VLDLR: variants seen among roughly 807,000 people sequenced by gnomAD.
The protein encoded by VLDLR is very low-density lipoprotein receptor.
In VLDLR, 81 loss-of-function variants were observed where a neutral mutation model predicts 112.7. That is an observed-to-expected ratio of 0.72 (90% CI 0.60 to 0.86). The LOEUF (loss-of-function observed/expected upper bound fraction) is 0.86, where lower values mean the gene tolerates loss of function less well. VLDLR is among the 40% of genes least tolerant of loss of function. The pLI, the probability that VLDLR is intolerant of heterozygous loss-of-function variation, is 0.00. For synonymous variants in VLDLR, 436 were observed against 384.8 expected (o/e 1.13, Z -1.56); for missense variants, 1,237 against 1,099.4 (o/e 1.13, Z -1.77).
intron 18 of VLDLR, among the ~76,000 whole-genome samples, chr9:2,653,245 TA>T (rs1212907184): frequency 6.6e-6 from 1 of 152,216 alleles, no homozygotes; most frequent in Non-Finnish European, 1.5e-5. Context: ...ATTACTGAAC[TA>T]TTAAATCCAT....
In VLDLR at chr9:2,657,849, T is replaced by C. The variant is rs1445210265; in HGVS notation, c.*3981T>C. ...AGTCTCTAAGGCCAGAAGGGGCTTA[T>C]AATGACTTCTCTTCTAGAATTGTAA... On this transcript the variant is annotated 3_prime_UTR_variant, in exon 19 of 19. Coordinates refer to ENST00000382100, the MANE Select transcript of VLDLR (RefSeq NM_003383.5). The C allele has an allele frequency of 6.6e-6, 1 of 152,216 alleles. No homozygotes were observed. Among genetic ancestry groups the C allele is most frequent in the African/African-American group, 2.4e-5 (1 of 41,454 alleles). The allele number at this position is 152,216 out of a possible 1,614,324, so 9.4% of individuals were successfully genotyped here.
intron 1 of VLDLR, among the ~76,000 whole-genome samples, chr9:2,630,436 A>G (rs1169482212): frequency 1.3e-5 from 2 of 151,988 alleles, no homozygotes; most frequent in African/African-American, 4.8e-5. Flanking sequence ...GGCATGAGAG[A>G]TGTAAATGCT....
chr9:2,622,066 C>T lies in VLDLR; in HGVS notation c.-124C>T, dbSNP rs1217376289. The T allele has an allele frequency of 6.2e-6, 6 of 960,422 alleles. No individual in the cohort carries two copies. Among genetic ancestry groups the T allele is most frequent in the African/African-American group, 3.4e-5 (2 of 58,114 alleles). The allele number at this position is 960,422 out of a possible 1,614,324, so 59.5% of individuals were successfully genotyped here. A position where few individuals can be genotyped will look rare whatever the true frequency, so the allele number is the denominator to read the frequency against. On this transcript the variant is annotated 5_prime_UTR_variant, in exon 1 of 19. Coordinates refer to ENST00000382100, the MANE Select transcript of VLDLR (RefSeq NM_003383.5). The stretch of plus-strand genomic sequence containing the variant: ...CTCCCTTCCCCCGCCAACTCCTTCC[C>T]CTCCTTCTCCCCCTTTCCCCTCCCC...
chr9:2,652,044 G>A, intron 17 of VLDLR, 90 bp downstream of exon 17: 2 of 1,177,830 alleles, frequency 1.7e-6, no homozygotes, highest in East Asian at 2.4e-5. Flanking sequence ...CCTTTCATGG[G>A]CCTTTATGCT....
intron 1 of VLDLR, among the ~76,000 whole-genome samples, chr9:2,625,070 G>T (rs1817030745): frequency 6.6e-6 from 1 of 152,196 alleles, no homozygotes; most frequent in African/African-American, 2.4e-5. Flanking sequence ...ACTAAACATT[G>T]CTAGCAAAGG....
At chr9:2,639,306 T>G (rs1057027980) in intron 2 of VLDLR, among the ~76,000 whole-genome samples, 1 of 152,202 alleles carries the variant, frequency 6.6e-6, no homozygotes, top group African/African-American at 2.4e-5. Context: ...TCTGGTTTCT[T>G]TTTATGAGGG....
Position 2,622,167 on chromosome 9 carries a change from G to GCGGCGGCGGCAC in VLDLR, c.-19_-18insGGCGGCACCGGC. The stretch of plus-strand genomic sequence containing the variant: ...GCGAACGGCGGCGGCGGCGGCGGCG[G>GCGGCGGCGGCAC]CGGCACCATCCAGGCGGGCACCATG... On this transcript the variant is annotated 5_prime_UTR_variant, in exon 1 of 19. Transcript: ENST00000382100. 5 of 1,421,738 alleles carry GCGGCGGCGGCAC rather than the reference G, an allele frequency of 3.5e-6. No homozygotes were observed. Among genetic ancestry groups the GCGGCGGCGGCAC allele is most frequent in the South Asian group, 2.7e-5 (2 of 74,716 alleles). 88.1% of individuals were successfully genotyped at this position (1,421,738 alleles called of 1,614,324 possible).
rs1289248789 is a variant in VLDLR, at chr9:2,621,881, C to T, written c.-309C>T. The T allele has an allele frequency of 1.3e-5, 8 of 605,166 alleles. No individual in the cohort carries two copies. The highest frequency in any genetic ancestry group is 6.5e-5 in the Admixed American group (3 of 46,478). The allele number at this position is 605,166 out of a possible 1,614,324, so 37.5% of individuals were successfully genotyped here. A position where few individuals can be genotyped will look rare whatever the true frequency, so the allele number is the denominator to read the frequency against. Reference sequence around the variant, plus strand: ...TGCTCTCGGCTCCCCACCCCCTCTCCCTTCCCTCCTCTCCCCTTGCCTCCC... The same window carrying T: ...TGCTCTCGGCTCCCCACCCCCTCTCTCTTCCCTCCTCTCCCCTTGCCTCCC... On this transcript the variant is annotated 5_prime_UTR_variant, in exon 1 of 19. Coordinates refer to ENST00000382100, the MANE Select transcript of VLDLR (RefSeq NM_003383.5).
At chr9:2,623,725 G>A (rs1308571267) in intron 1 of VLDLR, among the ~76,000 whole-genome samples, 3 of 152,264 alleles carry the variant, frequency 2.0e-5, no homozygotes, top group Non-Finnish European at 4.4e-5. Context: ...TATTTTCAAT[G>A]GAAAGTAGGA....
intron 11 of VLDLR, among the ~76,000 whole-genome samples, chr9:2,646,925 C>T (rs915193949): frequency 6.6e-5 from 10 of 152,136 alleles, no homozygotes; most frequent in African/African-American, 9.7e-5. Flanking sequence ...CAAACCTAAA[C>T]GACAGCCTGA....
chr9:2,629,562 C>T (rs1164145283), intron 1 of VLDLR, among the ~76,000 whole-genome samples: 1 of 152,178 alleles, frequency 6.6e-6, no homozygotes, highest in East Asian at 1.9e-4. Context: ...ATAGGGCCAA[C>T]TGTGCAGGAT....
At chr9:2,622,473 G>A (rs1210872595) in intron 1 of VLDLR, 3 of 473,582 alleles carry the variant, frequency 6.3e-6, no homozygotes, top group Non-Finnish European at 7.1e-6. Flanking sequence ...GGAACAGCGG[G>A]GTTCGGGGTG....
At position 2,658,456 on chromosome 9, in the gene VLDLR, G is replaced by A. The variant is rs77213939; in HGVS notation, c.*4588G>A. 6.6e-6 allele frequency: 1 copy of A among 152,160 alleles called. No individual in the cohort carries two copies. Among genetic ancestry groups the A allele is most frequent in the Admixed American group, 6.5e-5 (1 of 15,276 alleles). 9.4% of individuals were successfully genotyped at this position (152,160 alleles called of 1,614,324 possible). A position where few individuals can be genotyped will look rare whatever the true frequency, so the allele number is the denominator to read the frequency against. ...CGGGTGGGGAGTTTGTGCTCCGCAG[G>A]TTACCTCATGGCATATCAAAAATGG... On this transcript the variant is annotated 3_prime_UTR_variant, in exon 19 of 19. Transcript: ENST00000382100.
chr9:2,652,792 T>G lies in VLDLR; in HGVS notation c.2429T>G (p.Met810Arg), dbSNP rs561039600. The stretch of plus-strand genomic sequence containing the variant: ...TGATTTTTTTCAGTGCTCTTAGTGA[T>G]GGCAGCAGTAGGTGGCTACTTGATG... ...WAILPLLLLV[M>R]AAVGGYLMWR... Residue 810 changes from methionine (M) to arginine (R), a missense_variant, in exon 18 of 19, where the codon ATG (methionine) becomes AGG (arginine). Coordinates refer to ENST00000382100, the MANE Select transcript of VLDLR (RefSeq NM_003383.5). 6.2e-7 allele frequency: 1 copy of G among 1,614,012 alleles called. No individual in the cohort carries two copies.
chr9:2,644,575 C>T (rs1457051028), intron 7 of VLDLR, among the ~76,000 whole-genome samples, 159 bp from the exon 8 acceptor site: 3 of 151,918 alleles, frequency 2.0e-5, no homozygotes, highest in Non-Finnish European at 2.9e-5. Flanking sequence ...AGATAATCCA[C>T]CCTGAAATAT....
chr9:2,639,798 T>C, intron 2 of VLDLR, 61 bp from the exon 3 acceptor site: 1 of 1,612,594 alleles, frequency 6.2e-7, no homozygotes, highest in Non-Finnish European at 8.5e-7. Flanking sequence ...TGAGCCCTCA[T>C]GTGAAGCTAG....
At chr9:2,628,819 AT>A (rs1297170234) in intron 1 of VLDLR, among the ~76,000 whole-genome samples, 1 of 152,032 alleles carries the variant, frequency 6.6e-6, no homozygotes, top group Non-Finnish European at 1.5e-5. Context: ...ACCCAAATAA[AT>A]TTTTTCTGCA....
At position 2,648,717 on chromosome 9, in the gene VLDLR, A is replaced by G; in HGVS notation, c.2011A>G (p.Asn671Asp). 6.2e-7 allele frequency: 1 copy of G among 1,614,194 alleles called. No individual in the cohort carries two copies. Among genetic ancestry groups the G allele is most frequent in the Non-Finnish European group, 8.5e-7 (1 of 1,180,030 alleles). The change falls in exon 14 of 19, where the codon AAT becomes GAT. Residue 671 changes from asparagine to aspartate, a missense_variant. Transcript: ENST00000382100. ...GGAAAATGAAGCAGTCTATGGTGCCAATAAATTCACTGGATCAGAGCTAGC... is the reference window on the plus strand; with the variant it reads ...GGAAAATGAAGCAGTCTATGGTGCCGATAAATTCACTGGATCAGAGCTAGC... ...DGENEAVYGA[N>D]KFTGSELATL...
At chr9:2,635,962 A>G (rs1012409746) in intron 2 of VLDLR, among the ~76,000 whole-genome samples, 1 of 152,162 alleles carries the variant, frequency 6.6e-6, no homozygotes, top group Non-Finnish European at 1.5e-5. Flanking sequence ...AAAATCCCAT[A>G]AAGTTTCAGG....
Sources: gnomAD v4.1 joint callset for allele counts (sites outside exome capture counted in the v4.1 genomes callset) on GRCh38, gnomAD v4.1.1 for gene constraint, MANE v1.5 for transcripts, NCBI Gene and HGNC (gene_info 2026-07-23, HGNC 2026-07-21) for gene names.